RANBP17: variants seen among roughly 807,000 people sequenced by gnomAD.
RANBP17 encodes the protein RAN binding protein 17, also known as ran-binding protein 17.
In RANBP17, 158 loss-of-function variants were observed where a neutral mutation model predicts 141.2. The observed-to-expected ratio is 1.12, with a 90% CI of 0.98 to 1.28. The LOEUF (loss-of-function observed/expected upper bound fraction) is 1.28, where lower values mean the gene tolerates loss of function less well. Ranked by LOEUF, RANBP17 falls within the 50% of genes most tolerant of loss-of-function variation. The probability of loss-of-function intolerance (pLI) is 0.00; values close to 1 mark genes in which losing one functional copy is unlikely to be tolerated. For missense variants in RANBP17, 1,438 were observed against 1,290.7 expected, an observed-to-expected ratio of 1.11 and a Z score of -1.75; for synonymous variants, 430 against 450.0, an observed-to-expected ratio of 0.96 and a Z score of 0.56.
At chr5:170,992,065 T>C (rs1778544614) in intron 14 of RANBP17, among the ~76,000 whole-genome samples, 1 of 151,962 alleles carries the variant, frequency 6.6e-6, no homozygotes, top group Non-Finnish European at 1.5e-5. Flanking sequence ...AGTTTGATTC[T>C]AAAGTCAAGA....
At chr5:171,297,195 A>T (rs533805744) in intron 27 of RANBP17, among the ~76,000 whole-genome samples, 13 of 152,244 alleles carry the variant, frequency 8.5e-5, no homozygotes, top group Non-Finnish European at 1.2e-4. Context: ...AGATAGGTTC[A>T]GGCTTATCAG....
chr5:171,161,324 T>C (rs780514904), intron 14 of RANBP17: 4 of 181,524 alleles, frequency 2.2e-5, no homozygotes, highest in Non-Finnish European at 4.7e-5. Context: ...TCAGCCACTT[T>C]CTCCTTTTAT....
intron 14 of RANBP17, among the ~76,000 whole-genome samples, chr5:171,045,242 C>T (rs1420246273): frequency 6.6e-6 from 1 of 151,938 alleles, no homozygotes; most frequent in Non-Finnish European, 1.5e-5. Flanking sequence ...GATACAAATT[C>T]ACATGGAAAT....
intron 14 of RANBP17, among the ~76,000 whole-genome samples, chr5:171,051,504 T>C (rs1361194046): frequency 6.6e-6 from 1 of 152,184 alleles, no homozygotes; most frequent in African/African-American, 2.4e-5. Context: ...AGCTTTTCTG[T>C]CTTGCTGTTT....
chr5:171,136,961 A>G (rs1364908900), intron 14 of RANBP17, among the ~76,000 whole-genome samples: 1 of 152,090 alleles, frequency 6.6e-6, no homozygotes, highest in Non-Finnish European at 1.5e-5. Context: ...TCACTCCAGT[A>G]AATTGTCAGT....
chr5:171,296,568 A>G (rs949378705), intron 27 of RANBP17, among the ~76,000 whole-genome samples: 2 of 152,250 alleles, frequency 1.3e-5, no homozygotes, highest in African/African-American at 2.4e-5. Flanking sequence ...TGTGCATATA[A>G]CAAAATATTG....
chr5:171,068,749 G>A (rs1368993669), intron 14 of RANBP17, among the ~76,000 whole-genome samples: 2 of 151,996 alleles, frequency 1.3e-5, no homozygotes, highest in East Asian at 1.9e-4. Flanking sequence ...ACCACGCCCG[G>A]CTAATTTTTG....
chr5:171,168,600 G>A (rs1440674658), intron 14 of RANBP17, among the ~76,000 whole-genome samples: 3 of 152,172 alleles, frequency 2.0e-5, no homozygotes, highest in African/African-American at 7.2e-5. Context: ...GTGCTTAAAG[G>A]TTTGTGATTA....
At chr5:170,894,053 G>A (rs1408486103) in intron 4 of RANBP17, among the ~76,000 whole-genome samples, 1 of 152,234 alleles carries the variant, frequency 6.6e-6, no homozygotes, top group African/African-American at 2.4e-5. Context: ...TTAAAACCTG[G>A]TTAACAAATA....
chr5:170,995,501 A>G (rs769563453), intron 14 of RANBP17, among the ~76,000 whole-genome samples: 2 of 152,138 alleles, frequency 1.3e-5, no homozygotes, highest in Non-Finnish European at 2.9e-5. Flanking sequence ...ACAGTGTTTC[A>G]TGTCTGGAAG....
At chr5:171,112,915 T>C (rs1291095468) in intron 14 of RANBP17, among the ~76,000 whole-genome samples, 1 of 152,148 alleles carries the variant, frequency 6.6e-6, no homozygotes, top group Non-Finnish European at 1.5e-5. Flanking sequence ...CTTGGCTTTG[T>C]CAAGTATTAG....
chr5:170,918,059 GACA>G (rs1772119512), intron 9 of RANBP17: 1 of 152,060 alleles, frequency 6.6e-6, no homozygotes, highest in African/African-American at 2.4e-5. Context: ...GGAGCTTACA[GACA>G]ACTGGGCAGA....
intron 1 of RANBP17, among the ~76,000 whole-genome samples, chr5:170,873,758 GTCTA>G (rs1767942703): frequency 1.3e-5 from 2 of 152,254 alleles, no homozygotes; most frequent in East Asian, 1.9e-4. Flanking sequence ...CTAGCTAGCA[GTCTA>G]TCTATTTTAT....
chr5:171,274,106 G>T (rs1232496748), intron 25 of RANBP17, among the ~76,000 whole-genome samples: 1 of 146,560 alleles, frequency 6.8e-6, no homozygotes, highest in Non-Finnish European at 1.5e-5. Context: ...AGTTTAGTTT[G>T]ATCAAGTGTG....
intron 14 of RANBP17, among the ~76,000 whole-genome samples, chr5:171,113,666 A>G (rs1755407911): frequency 6.6e-6 from 1 of 152,164 alleles, no homozygotes; most frequent in African/African-American, 2.4e-5. Flanking sequence ...GCTAATAAAA[A>G]AAGGAGCTAG....
chr5:171,263,289 C>T (rs1433816092), intron 24 of RANBP17, among the ~76,000 whole-genome samples: 1 of 152,132 alleles, frequency 6.6e-6, no homozygotes, highest in African/African-American at 2.4e-5. Flanking sequence ...TTAACTGTTG[C>T]TCTTGTTAAC....
At chr5:170,929,357 T>C (rs1561900597) in intron 12 of RANBP17, among the ~76,000 whole-genome samples, 2 of 152,172 alleles carry the variant, frequency 1.3e-5, no homozygotes, top group Non-Finnish European at 2.9e-5. Flanking sequence ...TATGATGTTA[T>C]CTGTACGCTG....
chr5:171,039,534 TTGTC>T (rs1372987173), intron 14 of RANBP17, among the ~76,000 whole-genome samples: 1 of 152,142 alleles, frequency 6.6e-6, no homozygotes, highest in Non-Finnish European at 1.5e-5. Context: ...GGTTTATAGA[TTGTC>T]TGTTTGTTGA....
At chr5:170,982,684 A>G (rs1323537012) in intron 14 of RANBP17, among the ~76,000 whole-genome samples, 1 of 152,216 alleles carries the variant, frequency 6.6e-6, no homozygotes, top group Non-Finnish European at 1.5e-5. Flanking sequence ...AAAGAATACT[A>G]GAAATTCTCC....
Sources: allele counts gnomAD v4.1 joint callset (sites outside exome capture counted in the v4.1 genomes callset), GRCh38; gene constraint gnomAD v4.1.1; transcripts MANE v1.5; gene names NCBI Gene and HGNC (gene_info 2026-07-23, HGNC 2026-07-21).